CDH18: variants seen among roughly 807,000 people sequenced by gnomAD.
CDH18 encodes cadherin 18, also known as cadherin-18.
A neutral mutation model predicts 67.9 loss-of-function variants in CDH18; 31 were observed. The ratio of observed to expected loss-of-function variants is 0.46; its 90% CI spans 0.34 to 0.62. CDH18 has a LOEUF of 0.62. CDH18 is among the 20% of genes least tolerant of loss of function. The probability of loss-of-function intolerance (pLI) is 0.01; values close to 1 mark genes in which losing one functional copy is unlikely to be tolerated. For missense variants in CDH18, 890 were observed against 975.5 expected, an observed-to-expected ratio of 0.91 and a Z score of 1.17; for synonymous variants, 362 against 347.2, an observed-to-expected ratio of 1.04 and a Z score of -0.48.
chr5:19,782,585 G>A (rs1230722879), intron 3 of CDH18, among the ~76,000 whole-genome samples: 1 of 152,152 alleles, frequency 6.6e-6, no homozygotes, highest in African/African-American at 2.4e-5. Context: ...GTCTACAATG[G>A]AGTCAGGGCA....
At chr5:19,480,552 T>TG in intron 12 of CDH18, among the ~76,000 whole-genome samples, 1 of 151,802 alleles carries the variant, frequency 6.6e-6, no homozygotes, top group Admixed American at 6.6e-5. Context: ...TAATTTTTTG[T>TG]GTTTTTAGTA....
intron 1 of CDH18, among the ~76,000 whole-genome samples, chr5:20,506,086 G>A (rs904288445): frequency 3.9e-5 from 6 of 152,192 alleles, no homozygotes; most frequent in Admixed American, 3.9e-4. Context: ...TTTCAATTCA[G>A]TTAGACACAC....
At chr5:20,057,575 T>G (rs1742105160) in intron 2 of CDH18, among the ~76,000 whole-genome samples, 1 of 152,174 alleles carries the variant, frequency 6.6e-6, no homozygotes, top group Non-Finnish European at 1.5e-5. Context: ...ATCATGAAAT[T>G]TAGCTTCTCT....
intron 3 of CDH18, among the ~76,000 whole-genome samples, chr5:19,759,095 A>G (rs1772003707): frequency 6.6e-6 from 1 of 152,244 alleles, no homozygotes; most frequent in Admixed American, 6.5e-5. Context: ...TGCCAAGTCA[A>G]TGGTTGCATA....
chr5:20,335,792 A>C (rs1390540304), intron 1 of CDH18, among the ~76,000 whole-genome samples: 1 of 152,206 alleles, frequency 6.6e-6, no homozygotes, highest in Admixed American at 6.5e-5. Context: ...TAAAGCATGC[A>C]CCAGGCAACT....
intron 1 of CDH18, among the ~76,000 whole-genome samples, chr5:20,287,803 G>A (rs1420089910): frequency 6.6e-6 from 1 of 151,570 alleles, no homozygotes; most frequent in African/African-American, 2.4e-5. Flanking sequence ...TGACTTCTCG[G>A]TATCACATTT....
At chr5:19,624,152 C>T (rs1204352074) in intron 5 of CDH18, among the ~76,000 whole-genome samples, 6 of 151,850 alleles carry the variant, frequency 4.0e-5, no homozygotes, top group Admixed American at 3.9e-4. Flanking sequence ...GGATTGCGGG[C>T]GTGCACCACC....
intron 11 of CDH18, among the ~76,000 whole-genome samples, chr5:19,493,832 C>T (rs1054176924): frequency 1.3e-5 from 2 of 152,084 alleles, no homozygotes; most frequent in Non-Finnish European, 2.9e-5. Flanking sequence ...GCAATAATAG[C>T]TCCAACAGTT....
At chr5:19,647,527 C>CAAAAAAAAAAAAAAAA (rs3062888) in intron 5 of CDH18, among the ~76,000 whole-genome samples, 1 of 28,800 alleles carries the variant, frequency 3.5e-5, no homozygotes, top group African/African-American at 1.3e-4. Flanking sequence ...GAGACTCCAT[C>CAAAAAAAAAAAAAAAA]AAAAAAAAAA....
At chr5:20,554,625 G>A (rs1757803905) in intron 1 of CDH18, among the ~76,000 whole-genome samples, 1 of 152,140 alleles carries the variant, frequency 6.6e-6, no homozygotes, top group Non-Finnish European at 1.5e-5. Flanking sequence ...GATAGCAATA[G>A]TTTCTCTCAC....
intron 2 of CDH18, among the ~76,000 whole-genome samples, chr5:20,073,618 G>T (rs951483319): frequency 6.6e-6 from 1 of 151,896 alleles, no homozygotes; most frequent in Non-Finnish European, 1.5e-5. Context: ...AGAGAGGCCG[G>T]TACATCAAAG....
Position 20,006,884 on chromosome 5 carries a change from G to A in CDH18, c.-517-14870C>T, listed in dbSNP as rs1580010798. Among the ~76,000 whole-genome samples the A allele has an allele frequency of 2.0e-5, 3 of 151,848 alleles. 1 individual carries two copies. The highest frequency in any genetic ancestry group is 7.2e-5 in the African/African-American group (3 of 41,508). ...CTTATAACATTAGTTAACTTAGAGG[G>A]AAATATGCATTTATAAGACAAAAGT... On this transcript the variant is annotated intron_variant, in intron 2 of 14. Coordinates refer to the CDH18 transcript ENST00000507958.
At position 20,182,469 on chromosome 5, in the gene CDH18, G is replaced by A. The variant is rs141368729; in HGVS notation, c.-518+72975C>T. ...AATACAAAATTGGCTGGGTATGGTG[G>A]TGCATGCCTATAATCCCAGCTACTC... On this transcript the variant is annotated intron_variant, in intron 2 of 14. Transcript: ENST00000507958. Among the ~76,000 whole-genome samples, 2,912 of 151,756 alleles carry A rather than the reference G, an allele frequency of 0.019. 231 individuals carry two copies. In the East Asian group the frequency reaches 0.28, roughly 15 times the overall value.
At chr5:19,709,884 C>T (rs113079771) in intron 5 of CDH18, among the ~76,000 whole-genome samples, 30 of 152,038 alleles carry the variant, frequency 2.0e-4, no homozygotes, top group African/African-American at 6.3e-4. Context: ...CCTGTAATTC[C>T]AGCACTTTGG....
intron 1 of CDH18, among the ~76,000 whole-genome samples, chr5:20,320,261 ATTC>A (rs1737875204): frequency 6.6e-6 from 1 of 152,146 alleles, no homozygotes; most frequent in Non-Finnish European, 1.5e-5. Context: ...AAAATTCTCT[ATTC>A]TTCTTTTATA....
At chr5:20,359,615 C>T (rs1741927645) in intron 1 of CDH18, among the ~76,000 whole-genome samples, 1 of 152,154 alleles carries the variant, frequency 6.6e-6, no homozygotes, top group African/African-American at 2.4e-5. Context: ...TTTTAACCAC[C>T]TTAGTGAACT....
At chr5:20,490,215 CA>C (rs1337706781) in intron 1 of CDH18, among the ~76,000 whole-genome samples, 7 of 151,964 alleles carry the variant, frequency 4.6e-5, no homozygotes, top group African/African-American at 1.7e-4. Context: ...TTTTTATGAT[CA>C]AAAGGCTTTA....
chr5:20,220,197 G>T (rs1045468425), intron 2 of CDH18, among the ~76,000 whole-genome samples: 3 of 151,816 alleles, frequency 2.0e-5, no homozygotes, highest in African/African-American at 7.3e-5. Flanking sequence ...AAAACGGGAG[G>T]AACCATGTTA....
rs146825605 is a variant in CDH18 at position 20,041,793 on chromosome 5, G to A, written c.-517-49779C>T. On this transcript the variant is annotated intron_variant, in intron 2 of 14. Coordinates refer to the CDH18 transcript ENST00000507958. ...TTTCTGATGAGTCAGCAGTTGCAAT[G>A]CCAGTACATTAAACAGCATTTTACA... is the stretch of plus-strand genomic sequence containing the variant. 3.4e-3 allele frequency among the ~76,000 whole-genome samples: 522 copies of A among 152,264 alleles called. 2 individuals carry two copies. The highest frequency in any genetic ancestry group is 0.012 in the African/African-American group (500 of 41,532).
Sources: allele counts gnomAD v4.1 joint callset (sites outside exome capture counted in the v4.1 genomes callset), GRCh38; gene constraint gnomAD v4.1.1; transcripts MANE v1.5; gene names NCBI Gene and HGNC (gene_info 2026-07-23, HGNC 2026-07-21).